Variants in CAMK1D observed in about 807,000 individuals in gnomAD.
CAMK1D encodes calcium/calmodulin dependent protein kinase ID.
Under a neutral mutation model 47.7 loss-of-function variants are expected in CAMK1D, and 9 were observed. That is an observed-to-expected ratio of 0.19 (90% confidence interval 0.11 to 0.33). The LOEUF (loss-of-function observed/expected upper bound fraction) is 0.33, where lower values mean the gene tolerates loss of function less well. Ranked by LOEUF, CAMK1D falls within the 10% of genes least tolerant of loss-of-function variation. CAMK1D has a pLI of 1.00. For synonymous variants in CAMK1D, 184 were observed against 184.9 expected, an observed-to-expected ratio of 0.99 and a Z score of 0.04; for missense variants, 291 against 488.7, an observed-to-expected ratio of 0.60 and a Z score of 3.81.
chr10:12,615,831 C>T (rs1488773831), intron 2 of CAMK1D, among the ~76,000 whole-genome samples: 2 of 144,940 alleles, frequency 1.4e-5, no homozygotes, highest in Admixed American at 7.1e-5. Flanking sequence ...TATATGTGTG[C>T]GTTCGTGTGT....
chr10:12,757,898 C>T (rs1836309617), intron 3 of CAMK1D, among the ~76,000 whole-genome samples: 1 of 127,502 alleles, frequency 7.8e-6, no homozygotes, highest in South Asian at 2.6e-4. Context: ...TGCTCCATTG[C>T]TGGAGTGCAA....
chr10:12,542,960 G>A (rs1415596203), intron 1 of CAMK1D, among the ~76,000 whole-genome samples: 2 of 151,980 alleles, frequency 1.3e-5, no homozygotes, highest in African/African-American at 2.4e-5. Context: ...TGGCCAGACC[G>A]CTCTTGAACT....
intron 1 of CAMK1D, among the ~76,000 whole-genome samples, chr10:12,428,185 C>T (rs1222440710): frequency 6.6e-6 from 1 of 152,098 alleles, no homozygotes; most frequent in Non-Finnish European, 1.5e-5. Context: ...CCGCCATCCC[C>T]TGACAGGCCC....
chr10:12,551,856 A>G (rs1836594389), intron 1 of CAMK1D, among the ~76,000 whole-genome samples: 1 of 152,242 alleles, frequency 6.6e-6, no homozygotes. Flanking sequence ...GATGCCAAAA[A>G]GGTTGGGGAC....
chr10:12,591,714 GAC>G (rs1266287776), intron 2 of CAMK1D, among the ~76,000 whole-genome samples: 2 of 152,216 alleles, frequency 1.3e-5, no homozygotes, highest in African/African-American at 4.8e-5. Context: ...TGTTTTTTGA[GAC>G]GGAGTCTCGC....
At chr10:12,405,079 A>G (rs1195689255) in intron 1 of CAMK1D, among the ~76,000 whole-genome samples, 1 of 152,202 alleles carries the variant, frequency 6.6e-6, no homozygotes, top group Non-Finnish European at 1.5e-5. Context: ...TTCTGGGGGT[A>G]AGACTGGTCA....
chr10:12,505,950 T>C (rs1187210245), intron 1 of CAMK1D, among the ~76,000 whole-genome samples: 1 of 152,214 alleles, frequency 6.6e-6, no homozygotes, highest in Non-Finnish European at 1.5e-5. Context: ...TTCTTTTGAA[T>C]GAGAGTCATA....
intron 3 of CAMK1D, among the ~76,000 whole-genome samples, chr10:12,714,760 T>TTACA (rs1834057243): frequency 4.0e-5 from 2 of 50,356 alleles, no homozygotes; most frequent in Admixed American, 3.9e-4. Flanking sequence ...GTACATTAAA[T>TTACA]TACACACACA....
intron 1 of CAMK1D, among the ~76,000 whole-genome samples, chr10:12,551,644 A>G (rs1836580914): frequency 6.6e-6 from 1 of 152,182 alleles, no homozygotes; most frequent in Admixed American, 6.5e-5. Context: ...AAGCTGAGTC[A>G]GGAGAATCGC....
chr10:12,781,430 C>A (rs1273554192), intron 5 of CAMK1D, among the ~76,000 whole-genome samples: 2 of 152,206 alleles, frequency 1.3e-5, no homozygotes, highest in Non-Finnish European at 2.9e-5. Flanking sequence ...TTCCAAGGCC[C>A]TCCCACATTT....
At chr10:12,564,313 A>AT (rs551186720) in intron 2 of CAMK1D, among the ~76,000 whole-genome samples, 43 of 148,604 alleles carry the variant, frequency 2.9e-4, no homozygotes, top group South Asian at 8.6e-4. Context: ...CAAAGATTCA[A>AT]TTTTTTTTTT....
chr10:12,642,863 G>A (rs927325466), intron 2 of CAMK1D, among the ~76,000 whole-genome samples: 1 of 152,122 alleles, frequency 6.6e-6, no homozygotes, highest in East Asian at 1.9e-4. Context: ...GTATACTTGA[G>A]ATAAAATATA....
At chr10:12,526,926 C>G (rs1024587866) in intron 1 of CAMK1D, among the ~76,000 whole-genome samples, 1 of 150,238 alleles carries the variant, frequency 6.7e-6, no homozygotes, top group African/African-American at 2.5e-5. Flanking sequence ...AGAACCTTGC[C>G]TCTAGTCCCA....
At chr10:12,465,848 C>A (rs746663174) in intron 1 of CAMK1D, among the ~76,000 whole-genome samples, 1 of 152,216 alleles carries the variant, frequency 6.6e-6, no homozygotes, top group Non-Finnish European at 1.5e-5. Context: ...TGGACTGCTA[C>A]TTCACCTAAC....
chr10:12,507,855 G>T (rs1266876866), intron 1 of CAMK1D, among the ~76,000 whole-genome samples: 4 of 152,052 alleles, frequency 2.6e-5, no homozygotes, highest in Non-Finnish European at 5.9e-5. Context: ...CTTCTTTCCT[G>T]TGTCTGTGGC....
chr10:12,436,166 T>G (rs1832628743), intron 1 of CAMK1D, among the ~76,000 whole-genome samples: 1 of 152,232 alleles, frequency 6.6e-6, no homozygotes, highest in African/African-American at 2.4e-5. Context: ...AAGCCTGTCC[T>G]TGGCCTGAAA....
chr10:12,471,180 G>A (rs1022676517), intron 1 of CAMK1D, among the ~76,000 whole-genome samples: 4 of 152,150 alleles, frequency 2.6e-5, no homozygotes, highest in African/African-American at 7.2e-5. Context: ...CCACCCCAGC[G>A]CACATGTTCA....
At chr10:12,417,106 C>T (rs563345674) in intron 1 of CAMK1D, among the ~76,000 whole-genome samples, 5 of 152,288 alleles carry the variant, frequency 3.3e-5, no homozygotes, top group African/African-American at 4.8e-5. Context: ...ACTTGTCTCT[C>T]ATAGAACATC....
chr10:12,384,782 C>T (rs1838441204), intron 1 of CAMK1D, among the ~76,000 whole-genome samples: 1 of 152,052 alleles, frequency 6.6e-6, no homozygotes, highest in Admixed American at 6.6e-5. Context: ...GCACAAGCAA[C>T]AGGAATAGAT....
Sources: allele counts gnomAD v4.1 joint callset (sites outside exome capture counted in the v4.1 genomes callset), GRCh38; gene constraint gnomAD v4.1.1; transcripts MANE v1.5; gene names NCBI Gene and HGNC (gene_info 2026-07-23, HGNC 2026-07-21).